Variants in KCNB2 observed in about 807,000 individuals in gnomAD.
The protein encoded by KCNB2 is potassium voltage-gated channel subfamily B member 2.
In KCNB2, 15 loss-of-function variants were observed where a neutral mutation model predicts 61.5. That is an observed-to-expected ratio of 0.24 (90% confidence interval 0.16 to 0.38). The LOEUF is 0.38. KCNB2 is among the 10% of genes least tolerant of loss of function. The probability of loss-of-function intolerance (pLI) is 1.00; values close to 1 mark genes in which losing one functional copy is unlikely to be tolerated. For missense variants in KCNB2, 828 were observed against 1,125.2 expected (o/e 0.74, Z 3.78); for synonymous variants, 457 against 446.0 (o/e 1.02, Z -0.31).
At chr8:72,818,973 C>G (rs1181250384) in intron 2 of KCNB2, among the ~76,000 whole-genome samples, 1 of 152,106 alleles carries the variant, frequency 6.6e-6, no homozygotes, top group Non-Finnish European at 1.5e-5. Flanking sequence ...TCTTTCGTGT[C>G]TCAGATTCAC....
At chr8:72,749,717 A>G (rs1211463037) in intron 2 of KCNB2, among the ~76,000 whole-genome samples, 1 of 146,956 alleles carries the variant, frequency 6.8e-6, no homozygotes, top group African/African-American at 2.5e-5. Context: ...AAAGTAATAT[A>G]TATATATAAT....
chr8:72,691,463 C>T (rs1563560911), intron 2 of KCNB2, among the ~76,000 whole-genome samples: 1 of 152,186 alleles, frequency 6.6e-6, no homozygotes, highest in Non-Finnish European at 1.5e-5. Flanking sequence ...AGTCTTATAA[C>T]TATTTTAGTG....
intron 2 of KCNB2, among the ~76,000 whole-genome samples, chr8:72,864,961 G>A (rs918825630): frequency 2.0e-5 from 3 of 152,040 alleles, no homozygotes; most frequent in Non-Finnish European, 4.4e-5. Context: ...CACCTAACAG[G>A]TTTCATCTTC....
intron 2 of KCNB2, among the ~76,000 whole-genome samples, chr8:72,604,701 A>T (rs997873975): frequency 1.3e-5 from 2 of 152,214 alleles, no homozygotes; most frequent in African/African-American, 2.4e-5. Context: ...ATTTAAATTA[A>T]CATTTTTGGC....
intron 2 of KCNB2, among the ~76,000 whole-genome samples, chr8:72,620,945 G>A (rs1285564434): frequency 4.6e-5 from 7 of 152,064 alleles, no homozygotes; most frequent in Admixed American, 6.6e-5. Flanking sequence ...ATTGGATTAC[G>A]TTTTAGGCCC....
chr8:72,739,074 T>A (rs1476803657), intron 2 of KCNB2, among the ~76,000 whole-genome samples: 1 of 152,084 alleles, frequency 6.6e-6, no homozygotes. Context: ...ATATTGTGGG[T>A]TTCAGTGTAT....
At chr8:72,892,638 A>G (rs1805916761) in intron 2 of KCNB2, among the ~76,000 whole-genome samples, 2 of 152,190 alleles carry the variant, frequency 1.3e-5, no homozygotes, top group Admixed American at 6.5e-5. Flanking sequence ...CTCAAAGTTT[A>G]TGTCCCTGCA....
intron 2 of KCNB2, among the ~76,000 whole-genome samples, chr8:72,842,462 G>A (rs1809909579): frequency 6.6e-6 from 1 of 152,172 alleles, no homozygotes; most frequent in Non-Finnish European, 1.5e-5. Flanking sequence ...ATGAGTTAGG[G>A]AGGATTCCCT....
intron 2 of KCNB2, among the ~76,000 whole-genome samples, chr8:72,930,757 C>G (rs1806763987): frequency 6.6e-6 from 1 of 152,208 alleles, no homozygotes; most frequent in Non-Finnish European, 1.5e-5. Flanking sequence ...TGCCTGTTCA[C>G]TCTGACGGTA....
In KCNB2 at chr8:72,937,527, C is replaced by A; in HGVS notation, c.2172C>A (p.Gly724=). Residue 724 remains glycine, a synonymous_variant, in exon 3 of 3, where the codon GGC becomes GGA. Transcript: ENST00000523207. Reference sequence around the variant, plus strand: ...AAGTGAACTTTAAGGAAAATAGAGGCAGTGCACCACAGACCCCGCCCAGCA... The same window carrying A: ...AAGTGAACTTTAAGGAAAATAGAGGAAGTGCACCACAGACCCCGCCCAGCA... ...SLKVNFKENR[G]SAPQTPPSTA... is the part of the protein sequence containing the mutation. The A allele has an allele frequency of 6.2e-7, 1 of 1,613,828 alleles. No homozygotes were observed. The highest frequency in any genetic ancestry group is 1.7e-4 in the Middle Eastern group (1 of 6,058).
intron 2 of KCNB2, among the ~76,000 whole-genome samples, chr8:72,864,649 T>G (rs1805483452): frequency 6.6e-6 from 1 of 152,200 alleles, no homozygotes; most frequent in African/African-American, 2.4e-5. Context: ...TGTGCTGACA[T>G]GTAATTTGCC....
chr8:72,551,393 A>C (rs562631310), intron 1 of KCNB2, among the ~76,000 whole-genome samples: 5 of 152,250 alleles, frequency 3.3e-5, no homozygotes, highest in African/African-American at 1.2e-4. Context: ...GCTGTTGTAC[A>C]TGACGGGCTC....
At chr8:72,774,161 G>A (rs1410802424) in intron 2 of KCNB2, among the ~76,000 whole-genome samples, 1 of 152,136 alleles carries the variant, frequency 6.6e-6, no homozygotes, top group Non-Finnish European at 1.5e-5. Flanking sequence ...TGCCTATGAT[G>A]AGTCATGGGG....
chr8:72,593,877 T>C (rs1807142106), intron 2 of KCNB2, among the ~76,000 whole-genome samples: 1 of 152,224 alleles, frequency 6.6e-6, no homozygotes, highest in Non-Finnish European at 1.5e-5. Context: ...CTCTGTTTAT[T>C]GGGCTTATAG....
intron 2 of KCNB2, among the ~76,000 whole-genome samples, chr8:72,715,243 A>G (rs2128992215): frequency 6.6e-6 from 1 of 152,304 alleles, no homozygotes; most frequent in South Asian, 2.1e-4. Flanking sequence ...TCAACATTAC[A>G]CAGATCAACG....
intron 2 of KCNB2, among the ~76,000 whole-genome samples, chr8:72,804,414 T>C (rs1809183599): frequency 1.3e-5 from 2 of 152,058 alleles, no homozygotes; most frequent in Non-Finnish European, 2.9e-5. Flanking sequence ...AAACTGCTAA[T>C]GGTCATTTGG....
At chr8:72,718,588 C>T (rs913743822) in intron 2 of KCNB2, among the ~76,000 whole-genome samples, 4 of 148,722 alleles carry the variant, frequency 2.7e-5, no homozygotes, top group Non-Finnish European at 3.0e-5. Flanking sequence ...ACCGCATGTT[C>T]TCACTCATAG....
intron 2 of KCNB2, among the ~76,000 whole-genome samples, chr8:72,713,004 G>A (rs907954647): frequency 3.3e-5 from 5 of 152,246 alleles, no homozygotes; most frequent in Non-Finnish European, 7.3e-5. Flanking sequence ...TGGCACACCA[G>A]GAGATTATAT....
At chr8:72,918,038 A>G (rs1262183353) in intron 2 of KCNB2, among the ~76,000 whole-genome samples, 3 of 152,214 alleles carry the variant, frequency 2.0e-5, no homozygotes, top group Non-Finnish European at 2.9e-5. Context: ...AGGAATGCCA[A>G]TATGCAAACA....
Sources: allele counts gnomAD v4.1 joint callset (sites outside exome capture counted in the v4.1 genomes callset), GRCh38; gene constraint gnomAD v4.1.1; transcripts MANE v1.5; gene names NCBI Gene and HGNC (gene_info 2026-07-23, HGNC 2026-07-21).